NAA35: variants seen among roughly 807,000 people sequenced by gnomAD.
The protein encoded by NAA35 is MAK10 homolog, amino-acid N-acetyltransferase subunit.
Under a neutral mutation model 101.7 loss-of-function variants are expected in NAA35, and 18 were observed. The ratio of observed to expected loss-of-function variants is 0.18; its 90% CI spans 0.12 to 0.26. NAA35 has a LOEUF of 0.26. Among genes scored for constraint, NAA35 ranks in the 10% least tolerant of loss-of-function variants. NAA35 has a pLI of 1.00. For missense variants in NAA35, 601 were observed against 886.8 expected (o/e 0.68, Z 4.09); for synonymous variants, 267 against 273.1 (o/e 0.98, Z 0.22).
intron 8 of NAA35, among the ~76,000 whole-genome samples, chr9:85,976,350 A>G (rs1191785927): frequency 3.3e-5 from 5 of 152,156 alleles, no homozygotes; most frequent in Admixed American, 3.3e-4. Context: ...TAACAGGGTT[A>G]GTTTTGAGAG....
chr9:85,981,124 TTG>T (rs768844089), intron 11 of NAA35, among the ~76,000 whole-genome samples: 2 of 152,294 alleles, frequency 1.3e-5, no homozygotes, highest in Non-Finnish European at 1.5e-5. Context: ...TGTGCTGACT[TTG>T]TATGTATTTA....
intron 5 of NAA35, 55 bp downstream of exon 5, chr9:85,959,922 C>T (rs1055363143): frequency 4.5e-6 from 6 of 1,330,598 alleles, no homozygotes; most frequent in Non-Finnish European, 6.4e-6. Context: ...TTACCTGAAT[C>T]TTGTGATTTA....
chr9:85,964,553 A>G (rs1030511820), intron 6 of NAA35, among the ~76,000 whole-genome samples: 1 of 152,170 alleles, frequency 6.6e-6, no homozygotes, highest in African/African-American at 2.4e-5. Flanking sequence ...TCCTGCATTT[A>G]ATTGCGTATC....
chr9:85,956,289 T>C, intron 2 of NAA35, 71 bp from the exon 3 acceptor site: 1 of 903,736 alleles, frequency 1.1e-6, no homozygotes, highest in South Asian at 1.6e-5. Flanking sequence ...CAGGTGCTAA[T>C]GTCTTTTTTT....
Position 85,987,873 on chromosome 9 carries a change from A to C in NAA35, c.878-8526A>C, listed in dbSNP as rs187232170. Among the ~76,000 whole-genome samples, 439 of 152,374 alleles carry C rather than the reference A, an allele frequency of 2.9e-3. 5 individuals carry two copies. The South Asian group carries it at 0.034, about 12-fold the overall frequency. The stretch of plus-strand genomic sequence containing the variant: ...AAGAAGTTGACAAAACTTGAAGGGA[A>C]AAAACTAGGGATTCTCTTGGAATAA... On this transcript the variant is annotated intron_variant, in intron 11 of 22. Coordinates refer to ENST00000361671, the MANE Select transcript of NAA35 (RefSeq NM_024635.4).
chr9:85,979,065 A>G (rs1265146299), intron 11 of NAA35, among the ~76,000 whole-genome samples: 2 of 152,124 alleles, frequency 1.3e-5, no homozygotes, highest in Non-Finnish European at 1.5e-5. Context: ...TCGATTACAC[A>G]TGTTAGAAAT....
chr9:86,013,285 AC>A, intron 16 of NAA35, 141 bp downstream of exon 16: 1 of 480,270 alleles, frequency 2.1e-6, no homozygotes, highest in Non-Finnish European at 3.7e-6. Flanking sequence ...ACAGTTTCTT[AC>A]ACCAACGTTT....
At chr9:86,015,989 CTTA>C (rs1328982622) in intron 17 of NAA35, among the ~76,000 whole-genome samples, 2 of 150,916 alleles carry the variant, frequency 1.3e-5, no homozygotes, top group East Asian at 1.9e-4. Flanking sequence ...AATTATAGGC[CTTA>C]TTATGTTATG....
At chr9:85,974,051 C>T (rs575139503) in intron 6 of NAA35, among the ~76,000 whole-genome samples, 14 of 152,056 alleles carry the variant, frequency 9.2e-5, no homozygotes, top group African/African-American at 2.7e-4. Flanking sequence ...CCACCTCCTG[C>T]GTTCAAGTGA....
In NAA35 at chr9:85,941,369, G is replaced by T. The variant is rs1828503700; in HGVS notation, c.-6+96G>T. 3.0e-6 allele frequency: 3 copies of T among 985,526 alleles called. No homozygotes were observed. In the South Asian group the frequency reaches 1.4e-4, roughly 46 times the overall value. The allele number at this position is 985,526 out of a possible 1,614,324, so 61.0% of individuals were successfully genotyped here. On this transcript the variant is annotated intron_variant, in intron 1 of 22. Transcript: ENST00000361671. Reference sequence around the variant, plus strand: ...GTGTGGCAGATCCTGGGGACCCCAGGTCACCCTGCGGCCCCGGCCCTCCCG... The same window carrying T: ...GTGTGGCAGATCCTGGGGACCCCAGTTCACCCTGCGGCCCCGGCCCTCCCG...
intron 11 of NAA35, among the ~76,000 whole-genome samples, chr9:85,993,713 C>CT (rs1279644355): frequency 6.6e-6 from 1 of 152,096 alleles, no homozygotes; most frequent in Non-Finnish European, 1.5e-5. Context: ...GTGGAAGAAA[C>CT]TTGTAGTTGT....
intron 8 of NAA35, 27 bp downstream of exon 8, chr9:85,975,184 G>T (rs1830156769): frequency 1.2e-6 from 2 of 1,608,176 alleles, no homozygotes; most frequent in Non-Finnish European, 1.7e-6. Flanking sequence ...TTTGGTGTGG[G>T]GTTTTGGTAC....
chr9:85,967,399 A>G (rs1277155878), intron 6 of NAA35, among the ~76,000 whole-genome samples: 1 of 152,082 alleles, frequency 6.6e-6, no homozygotes, highest in Non-Finnish European at 1.5e-5. Context: ...GGGCCAAAAG[A>G]TTCTGTTTTC....
intron 12 of NAA35, among the ~76,000 whole-genome samples, chr9:86,001,887 G>A (rs986465737): frequency 1.3e-5 from 2 of 152,142 alleles, no homozygotes; most frequent in Non-Finnish European, 2.9e-5. Flanking sequence ...TATGATATGT[G>A]TGGATTTGAT....
intron 16 of NAA35, 30 bp downstream of exon 16, chr9:86,013,174 A>G: frequency 7.4e-7 from 1 of 1,356,202 alleles, no homozygotes; most frequent in Non-Finnish European, 1.0e-6. Flanking sequence ...CTCTTCTAAA[A>G]TTAAATGATG....
chr9:85,991,186 G>C (rs1459229579), intron 11 of NAA35, among the ~76,000 whole-genome samples: 1 of 152,076 alleles, frequency 6.6e-6, no homozygotes, highest in Non-Finnish European at 1.5e-5. Context: ...CTAGTACAGG[G>C]TTTTGGAGTA....
intron 2 of NAA35, among the ~76,000 whole-genome samples, chr9:85,953,217 ATTTTT>A (rs750967213): frequency 1.6e-5 from 2 of 126,006 alleles, no homozygotes; most frequent in Admixed American, 8.2e-5. Flanking sequence ...GCCTCAAGAG[ATTTTT>A]TTTTTTTTTT....
At position 85,992,944 on chromosome 9, in the gene NAA35, T is replaced by A. The variant is rs182281193; in HGVS notation, c.878-3455T>A. Among the ~76,000 whole-genome samples, 29 of 152,274 alleles carry A rather than the reference T, an allele frequency of 1.9e-4. No homozygotes were observed. In the Middle Eastern group the frequency reaches 0.01, roughly 54 times the overall value. On this transcript the variant is annotated intron_variant, in intron 11 of 22. Coordinates refer to ENST00000361671, the MANE Select transcript of NAA35 (RefSeq NM_024635.4). ...CTGTGCTTGGAACTTTTGAGATTGT[T>A]TCAAAAGAAAAAAGCTTACCTCAAA...
intron 11 of NAA35, among the ~76,000 whole-genome samples, chr9:85,988,627 C>G (rs889854972): frequency 1.3e-5 from 2 of 151,984 alleles, no homozygotes; most frequent in African/African-American, 4.8e-5. Flanking sequence ...TGGGGAAATC[C>G]CCATCTCTAC....
Sources: allele counts gnomAD v4.1 joint callset (sites outside exome capture counted in the v4.1 genomes callset), GRCh38; gene constraint gnomAD v4.1.1; transcripts MANE v1.5; gene names NCBI Gene and HGNC (gene_info 2026-07-23, HGNC 2026-07-21).